The following CNGA3 variants were observed in gnomAD, a reference collection of about 807,000 sequenced individuals.
CNGA3 encodes cyclic nucleotide gated channel subunit alpha 3.
CNGA3 carries 42 observed loss-of-function variants against 46.6 expected under a neutral mutation model. The ratio of observed to expected loss-of-function variants is 0.90; its 90% CI spans 0.70 to 1.17. The LOEUF (loss-of-function observed/expected upper bound fraction) is 1.17. Among genes scored for constraint, CNGA3 ranks in the 50% most tolerant of loss-of-function variants. The pLI is 0.00. For synonymous variants in CNGA3, 394 were observed against 369.4 expected (o/e 1.07, Z -0.76); for missense variants, 893 against 890.7 (o/e 1.00, Z -0.03).
chr2:98,375,534 C>T (rs1392414899), intron 2 of CNGA3, among the ~76,000 whole-genome samples: 1 of 152,190 alleles, frequency 6.6e-6, no homozygotes, highest in Non-Finnish European at 1.5e-5. Flanking sequence ...GAATATGAAG[C>T]GGGCAAGGGA....
intron 1 of CNGA3, among the ~76,000 whole-genome samples, chr2:98,356,352 T>A (rs2106075587): frequency 1.1e-5 from 1 of 93,012 alleles, no homozygotes; most frequent in Non-Finnish European, 2.7e-5. Flanking sequence ...CTGAGAAGAT[T>A]ACTTCTGAGA....
rs207462093 is a variant in CNGA3 at position 98,396,754 on chromosome 2, C to A, written c.1584C>A (p.Ala528=). 2 of 1,614,120 alleles carry A rather than the reference C, an allele frequency of 1.2e-6. No homozygotes were observed. Among genetic ancestry groups the A allele is most frequent in the Non-Finnish European group, 1.7e-6 (2 of 1,180,030 alleles). Residue 528 remains alanine (A), a synonymous_variant, in exon 8 of 8, where the codon GCC becomes GCA. Transcript: ENST00000272602. ...ACATCATCAACGAGGGCAAGCTGGC[C>A]GTGGTGGCTGATGATGGGGTCACCC... ...EMYIINEGKL[A]VVADDGVTQF...
At chr2:98,392,015 G>T (rs776385883) in intron 7 of CNGA3, 45 bp downstream of exon 7, 2 of 1,549,234 alleles carry the variant, frequency 1.3e-6, no homozygotes, top group South Asian at 2.2e-5. Flanking sequence ...GCCCCCACGG[G>T]AGTGTTCCGG....
intron 5 of CNGA3, among the ~76,000 whole-genome samples, chr2:98,388,267 G>A (rs563796950): frequency 3.7e-4 from 57 of 152,254 alleles, no homozygotes; most frequent in African/African-American, 1.2e-3. Context: ...GCATCATCCA[G>A]CAGCAAGGCA....
intron 4 of CNGA3, 49 bp downstream of exon 4, chr2:98,380,403 G>A (rs1692512085): frequency 6.3e-7 from 1 of 1,581,956 alleles, no homozygotes; most frequent in East Asian, 2.3e-5. Flanking sequence ...CTGGGGCCAG[G>A]CAGGAAGCCT....
intron 1 of CNGA3, among the ~76,000 whole-genome samples, chr2:98,363,457 T>G (rs1053943528): frequency 1.6e-4 from 24 of 152,186 alleles, no homozygotes; most frequent in African/African-American, 5.8e-4. Flanking sequence ...GCTTGTCTGT[T>G]GATGTATAGG....
At chr2:98,353,223 G>T (rs1691806872) in intron 1 of CNGA3, among the ~76,000 whole-genome samples, 1 of 152,128 alleles carries the variant, frequency 6.6e-6, no homozygotes, top group Middle Eastern at 3.2e-3. Context: ...TGCTGTTTAA[G>T]GATCAATGGT....
chr2:98,379,918 G>A (rs930449158), intron 3 of CNGA3: 5 of 567,970 alleles, frequency 8.8e-6, no homozygotes, highest in Middle Eastern at 4.7e-4. Flanking sequence ...GTAATAAAGA[G>A]AGTGTCCCTT....
intron 5 of CNGA3, among the ~76,000 whole-genome samples, chr2:98,387,909 A>G (rs1253066172): frequency 3.8e-4 from 58 of 152,008 alleles, no homozygotes; most frequent in Non-Finnish European, 8.8e-5. Flanking sequence ...CCCAACTTCA[A>G]TGTGTGGATT....
At position 98,397,902 on chromosome 2, in the gene CNGA3, GC is replaced by G. The variant is rs2104252880; in HGVS notation, c.*649del. 6.5e-6 allele frequency: 1 copy of G among 153,558 alleles called. No individual in the cohort carries two copies. Among genetic ancestry groups the G allele is most frequent in the South Asian group, 2.0e-4 (1 of 4,890 alleles). The allele number at this position is 153,558 out of a possible 1,614,324, so 9.5% of individuals were successfully genotyped here. On this transcript the variant is annotated 3_prime_UTR_variant, in exon 8 of 8. Coordinates refer to ENST00000272602, the MANE Select transcript of CNGA3 (RefSeq NM_001298.3). Reference sequence around the variant, plus strand: ...GCAAATCCAGACTCCTTGCCGTTCAGCCACTGTGAAACCAGAATCTGCTTCA... The same window carrying G: ...GCAAATCCAGACTCCTTGCCGTTCAGCACTGTGAAACCAGAATCTGCTTCA...
chr2:98,391,959 G>C lies in CNGA3; in HGVS notation c.662G>C (p.Arg221Pro). 1 of 1,613,908 alleles carries C rather than the reference G, an allele frequency of 6.2e-7. No homozygotes were observed. Among genetic ancestry groups the C allele is most frequent in the Admixed American group, 1.7e-5 (1 of 60,026 alleles). ...CTGTATGTCTTGGATGTGCTTGTACGAGCTCGGACAGGTGAGTGTGCCCCA... is the reference window on the plus strand; with the variant it reads ...CTGTATGTCTTGGATGTGCTTGTACCAGCTCGGACAGGTGAGTGTGCCCCA... Reference protein sequence around the residue: ...DVLYVLDVLVRARTGFLEQGL... With the variant: ...DVLYVLDVLVPARTGFLEQGL... Residue 221 changes from arginine to proline, a missense_variant, in exon 7 of 8, where the codon CGA becomes CCA. Coordinates refer to ENST00000272602, the MANE Select transcript of CNGA3 (RefSeq NM_001298.3).
At chr2:98,389,333 A>G (rs1692729127) in intron 5 of CNGA3, among the ~76,000 whole-genome samples, 1 of 152,194 alleles carries the variant, frequency 6.6e-6, no homozygotes, top group Admixed American at 6.5e-5. Flanking sequence ...CCTCTGTGAC[A>G]TTGCCATGCT....
At chr2:98,376,424 AC>A (rs989539538) in intron 2 of CNGA3, among the ~76,000 whole-genome samples, 23 of 152,104 alleles carry the variant, frequency 1.5e-4, no homozygotes, top group African/African-American at 5.3e-4. Context: ...AGACGAAGCT[AC>A]CTGACTCCCG....
chr2:98,386,047 TTGTAATAGGGTCTTATTACATGG>T (rs1028196915), intron 5 of CNGA3, among the ~76,000 whole-genome samples: 1 of 152,152 alleles, frequency 6.6e-6, no homozygotes, highest in African/African-American at 2.4e-5. Context: ...AAAATAAGGA[TTGTAATAGGGTCTTATTACATGG>T]TGGGAGTGAA....
intron 1 of CNGA3, among the ~76,000 whole-genome samples, chr2:98,347,855 C>G (rs563524711): frequency 2.0e-5 from 3 of 152,254 alleles, no homozygotes; most frequent in South Asian, 2.1e-4. Context: ...CCCCCTCCCC[C>G]CAACACATAC....
chr2:98,361,974 T>C (rs1312208459), intron 1 of CNGA3, among the ~76,000 whole-genome samples: 2 of 152,090 alleles, frequency 1.3e-5, no homozygotes, highest in Non-Finnish European at 2.9e-5. Flanking sequence ...CCCAAAGTGC[T>C]GGGATTACAG....
At chr2:98,387,547 A>G (rs1692679171) in intron 5 of CNGA3, among the ~76,000 whole-genome samples, 1 of 152,224 alleles carries the variant, frequency 6.6e-6, no homozygotes, top group African/African-American at 2.4e-5. Context: ...CCTAGCTCTT[A>G]AAAGACACCC....
At position 98,396,696 on chromosome 2, in the gene CNGA3, T is replaced by C. The variant is rs1692925611; in HGVS notation, c.1526T>C (p.Ile509Thr). The change falls in exon 8 of 8, where the codon ATC (isoleucine) becomes ACC (threonine). Residue 509 changes from isoleucine (I) to threonine (T), a missense_variant. By Grantham distance (89) the Ile-to-Thr change is moderately conservative (BLOSUM62 -1). Coordinates refer to ENST00000272602, the MANE Select transcript of CNGA3 (RefSeq NM_001298.3). ...RPTVFSPGDY[I>T]CKKGDIGKEM... is the part of the protein sequence containing the mutation. ...ACTGTGTTCAGCCCTGGGGATTATA[T>C]CTGCAAGAAGGGAGATATTGGGAAG... 1 of 1,614,028 alleles carries C rather than the reference T, an allele frequency of 6.2e-7. No individual in the cohort carries two copies. The highest frequency in any genetic ancestry group is 1.3e-5 in the African/African-American group (1 of 74,992).
At chr2:98,374,591 C>T (rs1464753590) in intron 2 of CNGA3, among the ~76,000 whole-genome samples, 1 of 152,104 alleles carries the variant, frequency 6.6e-6, no homozygotes, top group Non-Finnish European at 1.5e-5. Context: ...TTTTTCGGTA[C>T]CTGTGTGTCC....
Sources: gnomAD v4.1 joint callset for allele counts (sites outside exome capture counted in the v4.1 genomes callset) on GRCh38, gnomAD v4.1.1 for gene constraint, MANE v1.5 for transcripts, NCBI Gene and HGNC (gene_info 2026-07-23, HGNC 2026-07-21) for gene names.